Variants in IQCM observed in about 807,000 individuals in gnomAD.
IQCM encodes the protein IQ motif containing M, also known as IQ domain-containing protein M.
A neutral mutation model predicts 57.6 loss-of-function variants in IQCM; 45 were observed. The observed-to-expected ratio is 0.78, with a 90% CI of 0.62 to 1.00. The LOEUF is 1.00. Among genes scored for constraint, IQCM ranks in the 50% least tolerant of loss-of-function variants. IQCM has a pLI of 0.00. For synonymous variants in IQCM, 148 were observed against 158.9 expected (o/e 0.93, Z 0.51); for missense variants, 468 against 511.6 (o/e 0.91, Z 0.82).
intron 7 of IQCM, among the ~76,000 whole-genome samples, chr4:149,673,602 G>A (rs1761500081): frequency 6.6e-6 from 1 of 152,052 alleles, no homozygotes; most frequent in East Asian, 1.9e-4. Flanking sequence ...ACCCAATACA[G>A]GAGCACCCAG....
intron 13 of IQCM, among the ~76,000 whole-genome samples, chr4:149,370,257 C>A (rs1454657125): frequency 6.6e-6 from 1 of 152,042 alleles, no homozygotes; most frequent in African/African-American, 2.4e-5. Context: ...AGGCCACAGT[C>A]CAAATATTGG....
At chr4:149,696,038 C>A (rs537304322) in intron 5 of IQCM, among the ~76,000 whole-genome samples, 1 of 152,262 alleles carries the variant, frequency 6.6e-6, no homozygotes, top group Admixed American at 6.5e-5. Context: ...GAAACGCAAA[C>A]TTTCTCTTCC....
At chr4:149,414,136 CTTAT>C (rs1252546227) in intron 13 of IQCM, among the ~76,000 whole-genome samples, 1 of 152,128 alleles carries the variant, frequency 6.6e-6, no homozygotes, top group Non-Finnish European at 1.5e-5. Flanking sequence ...TTAAACCCGT[CTTAT>C]TTATCATCTC....
intron 12 of IQCM, among the ~76,000 whole-genome samples, chr4:149,535,433 C>T (rs1014268246): frequency 2.0e-5 from 3 of 151,874 alleles, no homozygotes; most frequent in African/African-American, 7.2e-5. Flanking sequence ...TCATATAAAA[C>T]AAAGACTTGC....
At chr4:149,491,429 A>T (rs1742082966) in intron 12 of IQCM, among the ~76,000 whole-genome samples, 1 of 152,044 alleles carries the variant, frequency 6.6e-6, no homozygotes, top group South Asian at 2.1e-4. Flanking sequence ...CGCAACCCTC[A>T]GCCCCTGGTA....
At chr4:149,581,219 C>T (rs1455162938) in intron 9 of IQCM, among the ~76,000 whole-genome samples, 1 of 151,076 alleles carries the variant, frequency 6.6e-6, no homozygotes, top group Non-Finnish European at 1.5e-5. Flanking sequence ...TGACAAGAAG[C>T]TAAGTCAAAA....
chr4:149,654,757 A>G (rs1759493548), intron 7 of IQCM, among the ~76,000 whole-genome samples: 1 of 152,160 alleles, frequency 6.6e-6, no homozygotes, highest in African/African-American at 2.4e-5. Context: ...TGAACTGTCA[A>G]TATGGTAACT....
chr4:149,432,589 G>T (rs1734973422), intron 13 of IQCM, among the ~76,000 whole-genome samples: 1 of 151,848 alleles, frequency 6.6e-6, no homozygotes, highest in African/African-American at 2.4e-5. Flanking sequence ...AACACTTATT[G>T]GATATGGCAG....
At chr4:149,640,961 C>A (rs1234412496) in intron 7 of IQCM, among the ~76,000 whole-genome samples, 5 of 152,030 alleles carry the variant, frequency 3.3e-5, no homozygotes, top group African/African-American at 1.2e-4. Context: ...AAAACCCTGT[C>A]CACACCAAAA....
At chr4:149,741,068 T>C (rs1767412389) in intron 3 of IQCM, among the ~76,000 whole-genome samples, 2 of 152,170 alleles carry the variant, frequency 1.3e-5, no homozygotes, top group Non-Finnish European at 2.9e-5. Flanking sequence ...AATTTATTCC[T>C]AAAAAGAGTT....
At chr4:149,356,076 C>T (rs955490676) in intron 13 of IQCM, among the ~76,000 whole-genome samples, 5 of 152,178 alleles carry the variant, frequency 3.3e-5, no homozygotes, top group African/African-American at 1.2e-4. Context: ...CCTTTGCCCA[C>T]TTTTTGATGG....
intron 12 of IQCM, among the ~76,000 whole-genome samples, chr4:149,524,557 T>C (rs959088787): frequency 6.6e-6 from 1 of 151,836 alleles, no homozygotes; most frequent in Non-Finnish European, 1.5e-5. Flanking sequence ...TAGAACAAAT[T>C]TGTAGCATTG....
intron 7 of IQCM, among the ~76,000 whole-genome samples, chr4:149,672,441 T>C (rs765720314): frequency 9.2e-5 from 14 of 152,172 alleles, no homozygotes; most frequent in Admixed American, 1.3e-4. Context: ...AATGACTTAA[T>C]GGAGCTGAAA....
intron 13 of IQCM, among the ~76,000 whole-genome samples, chr4:149,361,052 C>G (rs4594703): frequency 2.6e-5 from 4 of 152,188 alleles, no homozygotes; most frequent in African/African-American, 9.6e-5. Context: ...GATGAGGAAG[C>G]TGTTGGGAAC....
At chr4:149,496,902 T>C (rs941773114) in intron 12 of IQCM, among the ~76,000 whole-genome samples, 1 of 152,156 alleles carries the variant, frequency 6.6e-6, no homozygotes, top group Admixed American at 6.5e-5. Flanking sequence ...GTCTGAAATA[T>C]GAATGGCAAA....
chr4:149,428,328 A>G (rs936565132), intron 13 of IQCM, among the ~76,000 whole-genome samples: 7 of 151,824 alleles, frequency 4.6e-5, no homozygotes, highest in Admixed American at 1.3e-4. Flanking sequence ...GTAGTAGCTA[A>G]GATTATATTC....
At chr4:149,526,727 T>C (rs1037840575) in intron 12 of IQCM, among the ~76,000 whole-genome samples, 2 of 152,070 alleles carry the variant, frequency 1.3e-5, no homozygotes, top group Non-Finnish European at 1.5e-5. Context: ...ATAGTAAAAC[T>C]AGAAAGTTCT....
chr4:149,370,520 TATACACACACAC>T (rs1367949681), intron 13 of IQCM, among the ~76,000 whole-genome samples: 5 of 151,972 alleles, frequency 3.3e-5, no homozygotes, highest in African/African-American at 1.2e-4. Flanking sequence ...TATATATATA[TATACACACACAC>T]ATACACACTA....
At chr4:149,719,790 C>T (rs866203063) in intron 5 of IQCM, among the ~76,000 whole-genome samples, 13 of 152,144 alleles carry the variant, frequency 8.5e-5, no homozygotes, top group Middle Eastern at 3.2e-3. Flanking sequence ...TTGGCTATGC[C>T]TGAATCACAA....
Sources: allele counts gnomAD v4.1 joint callset (sites outside exome capture counted in the v4.1 genomes callset), GRCh38; gene constraint gnomAD v4.1.1; transcripts MANE v1.5; gene names NCBI Gene and HGNC (gene_info 2026-07-23, HGNC 2026-07-21).